TAOK3: variants seen among roughly 807,000 people sequenced by gnomAD.
The protein encoded by TAOK3 is TAO kinase 3, also known as serine/threonine-protein kinase TAO3.
Under a neutral mutation model 120.4 loss-of-function variants are expected in TAOK3, and 40 were observed. That is an observed-to-expected ratio of 0.33 (90% CI 0.26 to 0.43). The LOEUF (loss-of-function observed/expected upper bound fraction) is 0.43. Ranked by LOEUF, TAOK3 falls within the 20% of genes least tolerant of loss-of-function variation. TAOK3 has a pLI of 1.00. For synonymous variants in TAOK3, 355 were observed against 387.5 expected (o/e 0.92, Z 0.99); for missense variants, 821 against 1,112.1 (o/e 0.74, Z 3.72).
intron 9 of TAOK3, among the ~76,000 whole-genome samples, chr12:118,219,770 C>CTT (rs35568926): frequency 0.029 from 1,707 of 58,852 alleles, 261 homozygotes; most frequent in East Asian, 0.15. Flanking sequence ...ACTTTTTTGG[C>CTT]TTTTTTTTTT....
At chr12:118,255,837 C>T (rs988724233) in intron 2 of TAOK3, 182 bp from the exon 3 acceptor site, 1 of 248,842 alleles carries the variant, frequency 4.0e-6, no homozygotes, top group African/African-American at 2.3e-5. Context: ...AATCCCGGCA[C>T]TTTGGGAGGC....
intron 1 of TAOK3, chr12:118,295,520 G>T (rs1323266092): frequency 6.6e-6 from 1 of 152,122 alleles, no homozygotes; most frequent in Admixed American, 6.6e-5. Flanking sequence ...TAAAATGAAA[G>T]TAACCACATT....
intron 1 of TAOK3, among the ~76,000 whole-genome samples, chr12:118,291,021 A>G (rs977349940): frequency 5.3e-5 from 8 of 149,982 alleles, no homozygotes; most frequent in African/African-American, 2.0e-4. Context: ...ATGCCCAGCT[A>G]ATTTTTGTAT....
intron 15 of TAOK3, among the ~76,000 whole-genome samples, chr12:118,177,620 T>A (rs977633818): frequency 2.6e-5 from 4 of 151,928 alleles, no homozygotes; most frequent in African/African-American, 9.7e-5. Context: ...GGTCGGGAGT[T>A]TGAGACCAGC....
intron 11 of TAOK3, among the ~76,000 whole-genome samples, chr12:118,202,889 C>A (rs2038100532): frequency 6.8e-6 from 1 of 148,044 alleles, no homozygotes; most frequent in South Asian, 2.1e-4. Flanking sequence ...AGGTAATTCT[C>A]CTGACTCAGC....
chr12:118,197,267 A>G (rs771051196), intron 13 of TAOK3, among the ~76,000 whole-genome samples: 4 of 152,190 alleles, frequency 2.6e-5, no homozygotes, highest in Non-Finnish European at 4.4e-5. Flanking sequence ...ATGATAAAAT[A>G]GGAATATATA....
chr12:118,239,093 C>T, intron 6 of TAOK3, 134 bp downstream of exon 6: 1 of 660,976 alleles, frequency 1.5e-6, no homozygotes, highest in East Asian at 2.9e-5. Context: ...AGGAAGTGTG[C>T]ATGGCTTATC....
In TAOK3 at chr12:118,334,137, CA is replaced by C. The variant is rs57605394; in HGVS notation, c.-194+38510del. Among the ~76,000 whole-genome samples the C allele has an allele frequency of 5.7e-3, 440 of 77,600 alleles. 3 individuals carry two copies. Among genetic ancestry groups the C allele is most frequent in the East Asian group, 0.02 (62 of 3,170 alleles). The allele number at this position is 77,600 out of a possible 152,430, so 50.9% of individuals were successfully genotyped here. ...GCAAAAAGAGCAAAACTCCCATCTC[CA>C]AAAAAAAAAAAAAAAAAAGAAAAAA... On this transcript the variant is annotated intron_variant, in intron 1 of 20. Transcript: ENST00000392533.
At chr12:118,313,750 A>G (rs2140879242) in intron 1 of TAOK3, among the ~76,000 whole-genome samples, 1 of 152,366 alleles carries the variant, frequency 6.6e-6, no homozygotes, top group Non-Finnish European at 1.5e-5. Flanking sequence ...ATTTAGGGAA[A>G]AGAAAATCAA....
intron 1 of TAOK3, among the ~76,000 whole-genome samples, chr12:118,365,290 G>A (rs570991134): frequency 6.6e-6 from 1 of 152,250 alleles, no homozygotes; most frequent in Non-Finnish European, 1.5e-5. Context: ...CTGGAATGCA[G>A]TGGCTTGATC....
intron 8 of TAOK3, among the ~76,000 whole-genome samples, chr12:118,234,323 G>C (rs867797200): frequency 2.2e-4 from 31 of 141,132 alleles, no homozygotes; most frequent in African/African-American, 8.2e-4. Flanking sequence ...CCGCCTCCCA[G>C]GTTCATGCCA....
intron 9 of TAOK3, among the ~76,000 whole-genome samples, chr12:118,231,375 T>G (rs11068878): frequency 0.054 from 8,202 of 152,154 alleles, 456 homozygotes; most frequent in East Asian, 0.25. Context: ...GAATTCTTTT[T>G]TTTTTTTAAT....
intron 4 of TAOK3, 122 bp downstream of exon 4, chr12:118,244,771 GC>G (rs1399332001): frequency 3.2e-6 from 2 of 618,606 alleles, no homozygotes; most frequent in Non-Finnish European, 5.9e-6. Flanking sequence ...CTCGTGAGCC[GC>G]CCACCTCGGC....
At chr12:118,342,525 CT>C (rs2044658026) in intron 1 of TAOK3, among the ~76,000 whole-genome samples, 1 of 152,100 alleles carries the variant, frequency 6.6e-6, no homozygotes, top group Admixed American at 6.5e-5. Flanking sequence ...TAAAGCCAGA[CT>C]TTTTACTATG....
chr12:118,304,303 T>C (rs2042975035), intron 1 of TAOK3, among the ~76,000 whole-genome samples: 1 of 152,144 alleles, frequency 6.6e-6, no homozygotes, highest in South Asian at 2.1e-4. Context: ...TCTCTAGAAA[T>C]TTCTCATTTA....
At chr12:118,344,936 A>G (rs2044791213) in intron 1 of TAOK3, among the ~76,000 whole-genome samples, 1 of 152,144 alleles carries the variant, frequency 6.6e-6, no homozygotes, top group South Asian at 2.1e-4. Flanking sequence ...GTTAATACCC[A>G]TGCCCCTCTT....
rs142055056 is a variant in TAOK3 at position 118,261,040 on chromosome 12, T to C, written c.-88-5385A>G. Among the ~76,000 whole-genome samples, 193 of 152,244 alleles carry C rather than the reference T, an allele frequency of 1.3e-3. 1 individual carries two copies. The highest frequency in any genetic ancestry group is 6.8e-3 in the Middle Eastern group (2 of 294). On this transcript the variant is annotated intron_variant, in intron 2 of 20. Coordinates refer to ENST00000392533, the MANE Select transcript of TAOK3 (RefSeq NM_016281.4). Reference sequence around the variant, plus strand: ...GTCTGAGATTTAAAAATCCTCTGCATGGGTTGCATAGCAGAGGAGACTTTG... The same window carrying C: ...GTCTGAGATTTAAAAATCCTCTGCACGGGTTGCATAGCAGAGGAGACTTTG...
intron 1 of TAOK3, among the ~76,000 whole-genome samples, chr12:118,309,160 C>T (rs1449114656): frequency 1.3e-5 from 2 of 151,702 alleles, no homozygotes; most frequent in Non-Finnish European, 2.9e-5. Context: ...GAAACCCCAT[C>T]TCTACTACAA....
intron 17 of TAOK3, among the ~76,000 whole-genome samples, chr12:118,169,083 G>A (rs1347988433): frequency 3.3e-5 from 5 of 151,640 alleles, no homozygotes; most frequent in South Asian, 4.2e-4. Flanking sequence ...GCGCGATCTC[G>A]GCTCACTGCA....
Sources: gnomAD v4.1 joint callset for allele counts (sites outside exome capture counted in the v4.1 genomes callset) on GRCh38, gnomAD v4.1.1 for gene constraint, MANE v1.5 for transcripts, NCBI Gene and HGNC (gene_info 2026-07-23, HGNC 2026-07-21) for gene names.